The following TNS1 variants were observed in gnomAD, a reference collection of about 807,000 sequenced individuals.
TNS1 encodes tensin 1.
A neutral mutation model predicts 168.6 loss-of-function variants in TNS1; 62 were observed. The ratio of observed to expected loss-of-function variants is 0.37; its 90% CI spans 0.30 to 0.45. The LOEUF (loss-of-function observed/expected upper bound fraction) is 0.45, where lower values mean the gene tolerates loss of function less well. TNS1 is among the 20% of genes least tolerant of loss of function. The pLI is 1.00. For missense variants in TNS1, 2,240 were observed against 2,339.4 expected, an observed-to-expected ratio of 0.96 and a Z score of 0.88; for synonymous variants, 934 against 933.2, an observed-to-expected ratio of 1.00 and a Z score of -0.02.
chr2:217,882,531 A>G (rs1249586469), intron 16 of TNS1, 120 bp from the exon 17 acceptor site: 9 of 589,162 alleles, frequency 1.5e-5, no homozygotes, highest in Non-Finnish European at 2.6e-5. Context: ...ATATAATAAT[A>G]ATCAATGTAT....
chr2:217,876,691 G>A (rs961793329), intron 18 of TNS1, among the ~76,000 whole-genome samples: 1 of 152,094 alleles, frequency 6.6e-6, no homozygotes, highest in Non-Finnish European at 1.5e-5. Context: ...CAATTAAGGT[G>A]AAAAGAGATC....
At chr2:217,853,959 G>A (rs1947824469) in intron 18 of TNS1, among the ~76,000 whole-genome samples, 1 of 152,170 alleles carries the variant, frequency 6.6e-6, no homozygotes, top group South Asian at 2.1e-4. Flanking sequence ...AAACAAATAG[G>A]GGATGTTAAA....
At position 217,848,681 on chromosome 2, in the gene TNS1, G is replaced by A; in HGVS notation, c.1836C>T (p.Val612=). The change falls in exon 19 of 33, where the codon GTC becomes GTT. Residue 612 remains valine (V), a synonymous_variant. Transcript: ENST00000682258. ...GRHVVPAQVH[V]NGGALASERE... is the part of the protein sequence containing the mutation. ...GCTCAGATGCTAACGCCCCACCATTGACATGAACCTGGGCTGGGACAACGT... is the reference window on the plus strand; with the variant it reads ...GCTCAGATGCTAACGCCCCACCATTAACATGAACCTGGGCTGGGACAACGT... 1 of 1,614,228 alleles carries A rather than the reference G, an allele frequency of 6.2e-7. No individual in the cohort carries two copies. Among genetic ancestry groups the A allele is most frequent in the Non-Finnish European group, 8.5e-7 (1 of 1,180,022 alleles).
chr2:217,993,654 G>A (rs72613754), intron 1 of TNS1, among the ~76,000 whole-genome samples: 27,367 of 152,208 alleles, frequency 0.18, 2,933 homozygotes, highest in East Asian at 0.42. Flanking sequence ...CTTGGCAACC[G>A]AAAGTAACGG....
intron 23 of TNS1, among the ~76,000 whole-genome samples, chr2:217,820,806 A>C (rs1942733049): frequency 6.6e-6 from 1 of 151,346 alleles, no homozygotes; most frequent in African/African-American, 2.4e-5. Context: ...GCACCCCTCC[A>C]CTAAGCCTGT....
At chr2:217,914,274 T>C (rs1954754914) in intron 4 of TNS1, among the ~76,000 whole-genome samples, 1 of 152,154 alleles carries the variant, frequency 6.6e-6, no homozygotes, top group African/African-American at 2.4e-5. Flanking sequence ...TTCCCTGAGG[T>C]CAGAACCCTT....
intron 4 of TNS1, among the ~76,000 whole-genome samples, chr2:217,911,726 G>C (rs917507769): frequency 6.6e-6 from 1 of 152,148 alleles, no homozygotes; most frequent in East Asian, 1.9e-4. Context: ...GTCGGTAGGA[G>C]AGCTGCTGTT....
intron 22 of TNS1, among the ~76,000 whole-genome samples, chr2:217,822,728 T>C (rs1943061201): frequency 6.6e-6 from 1 of 151,990 alleles, no homozygotes; most frequent in Non-Finnish European, 1.5e-5. Context: ...ATTTTACAGA[T>C]AAGGATGGAT....
chr2:217,909,571 C>CCACACACACA (rs3054350), intron 4 of TNS1, among the ~76,000 whole-genome samples: 5,280 of 147,238 alleles, frequency 0.036, 318 homozygotes, highest in African/African-American at 0.12. Flanking sequence ...GCCTGGGTGC[C>CCACACACACA]CACACACACA....
intron 32 of TNS1, 91 bp downstream of exon 32, chr2:217,807,984 C>T (rs1574539010): frequency 1.3e-6 from 2 of 1,495,794 alleles, no homozygotes; most frequent in Non-Finnish European, 9.2e-7. Flanking sequence ...TTTCCCTACC[C>T]CCAGCCCTGG....
chr2:217,880,910 C>T lies in TNS1; in HGVS notation c.1417G>A (p.Asp473Asn), dbSNP rs1950616510. 6.2e-7 allele frequency: 1 copy of T among 1,613,768 alleles called. No homozygotes were observed. The highest frequency in any genetic ancestry group is 8.5e-7 in the Non-Finnish European group (1 of 1,179,846). Residue 473 changes from aspartate to asparagine, a missense_variant, in exon 18 of 33, where the codon GAC becomes AAC. Asp to Asn is a conservative substitution (Grantham distance 23). Transcript: ENST00000682258. This position sits in a 1 kb window ranked among gnomAD's most constrained non-coding sequence, Gnocchi z 4.2. The stretch of plus-strand genomic sequence containing the variant: ...AGGTCCCACCTACCCTCCATGCCGT[C>T]ATCTCGATGCCCACTGAAGTTGTCG... ...SYDNFSGHRD[D>N]GMEEVVGHTQ...
intron 3 of TNS1, among the ~76,000 whole-genome samples, chr2:217,934,247 G>A (rs1437353249): frequency 6.6e-6 from 1 of 152,168 alleles, no homozygotes; most frequent in Non-Finnish European, 1.5e-5. Flanking sequence ...CTGAGGGGGT[G>A]TGAAGGCATA....
chr2:217,828,780 A>G (rs1038164422), intron 22 of TNS1, among the ~76,000 whole-genome samples: 1 of 152,184 alleles, frequency 6.6e-6, no homozygotes, highest in African/African-American at 2.4e-5. Flanking sequence ...GGGAATCCCA[A>G]TGCATTATTG....
intron 3 of TNS1, among the ~76,000 whole-genome samples, chr2:217,938,063 G>A (rs1956715353): frequency 6.6e-6 from 1 of 152,182 alleles, no homozygotes; most frequent in Non-Finnish European, 1.5e-5. Flanking sequence ...GGGCAGAGGT[G>A]AGCAGGGGCC....
At chr2:217,825,420 G>A (rs1036287216) in intron 22 of TNS1, among the ~76,000 whole-genome samples, 2 of 152,082 alleles carry the variant, frequency 1.3e-5, no homozygotes, top group African/African-American at 2.4e-5. Context: ...GGGAGCACTC[G>A]GGGTGCTTTA....
At chr2:217,968,783 C>T (rs1184520850) in intron 3 of TNS1, among the ~76,000 whole-genome samples, 1 of 152,036 alleles carries the variant, frequency 6.6e-6, no homozygotes, top group Non-Finnish European at 1.5e-5. Context: ...CAACCTCCGC[C>T]TCCCGGGTTC....
At position 218,030,952 on chromosome 2, in the gene TNS1, T is replaced by C. The variant is rs1035512903; in HGVS notation, c.156+2868A>G. Among the ~76,000 whole-genome samples, 4 of 152,196 alleles carry C rather than the reference T, an allele frequency of 2.6e-5. No homozygotes were observed. In the East Asian group the frequency reaches 5.8e-4, roughly 22 times the overall value. On this transcript the variant is annotated intron_variant, in intron 1 of 1. Transcript: ENST00000649572. ...GTGTGAGCATAAGTATGAGTGTGTATGTGTGTGAGCATGTGTGTGAACTGT... is the reference window on the plus strand; with the variant it reads ...GTGTGAGCATAAGTATGAGTGTGTACGTGTGTGAGCATGTGTGTGAACTGT...
At chr2:218,017,985 G>A (rs1266052211) in intron 1 of TNS1, among the ~76,000 whole-genome samples, 1 of 152,236 alleles carries the variant, frequency 6.6e-6, no homozygotes, top group Non-Finnish European at 1.5e-5. Context: ...GTCCCAGAAG[G>A]TTGAGGCCAA....
intron 3 of TNS1, among the ~76,000 whole-genome samples, chr2:217,949,914 A>C (rs538019313): frequency 1.3e-5 from 2 of 152,230 alleles, no homozygotes; most frequent in Non-Finnish European, 2.9e-5. Flanking sequence ...ATAAGAGTTC[A>C]TACAGCAAAA....
Sources: gnomAD v4.1 joint callset for allele counts (sites outside exome capture counted in the v4.1 genomes callset) on GRCh38, gnomAD v4.1.1 for gene constraint, Gnocchi (gnomAD v3.1) non-coding constraint, MANE v1.5 for transcripts, NCBI Gene and HGNC (gene_info 2026-07-23, HGNC 2026-07-21) for gene names.